MAP2: variants seen among roughly 807,000 people sequenced by gnomAD.
MAP2 encodes microtubule-associated protein 2.
In MAP2, 14 loss-of-function variants were observed where a neutral mutation model predicts 137.6. The ratio of observed to expected loss-of-function variants is 0.10; its 90% CI spans 0.07 to 0.16. MAP2 has a LOEUF of 0.16. MAP2 is among the 10% of genes least tolerant of loss of function. The pLI, the probability that MAP2 is intolerant of heterozygous loss-of-function variation, is 1.00. For synonymous variants in MAP2, 786 were observed against 782.3 expected (o/e 1.00, Z -0.08); for missense variants, 2,088 against 2,191.5 (o/e 0.95, Z 0.94).
At chr2:209,723,873 T>C (rs953684404) in intron 13 of MAP2, among the ~76,000 whole-genome samples, 1 of 152,176 alleles carries the variant, frequency 6.6e-6, no homozygotes, top group African/African-American at 2.4e-5. Flanking sequence ...TCCTTCCCTG[T>C]AAGATCATCA....
chr2:209,563,805 T>A (rs900701427), intron 2 of MAP2, among the ~76,000 whole-genome samples: 1 of 152,232 alleles, frequency 6.6e-6, no homozygotes, highest in Non-Finnish European at 1.5e-5. Flanking sequence ...AGGTGTCTTA[T>A]TCACTTTATA....
At position 209,705,683 on chromosome 2, in the gene MAP2, T is replaced by G; in HGVS notation, c.4688T>G (p.Phe1563Cys). 6.2e-7 allele frequency: 1 copy of G among 1,613,104 alleles called. No homozygotes were observed. The highest frequency in any genetic ancestry group is 8.5e-7 in the Non-Finnish European group (1 of 1,179,266). ...GVSGDRDENSFSLNSSISSSA... is the reference protein window; with the variant it reads ...GVSGDRDENSCSLNSSISSSA... ...TCAGGAGACAGAGATGAGAATTCCT[T>G]CTCTCTCAACAGTTCTATCTCTTCT... The change falls in exon 12 of 16, where the codon TTC becomes TGC. Residue 1563 changes from phenylalanine to cysteine, a missense_variant. Around this residue, in one of 6 missense-constraint regions of MAP2, gnomAD observed 591 missense variants for 642.6 expected, o/e 0.92. Transcript: ENST00000682079.
chr2:209,651,134 A>G (rs2094765541), intron 4 of MAP2, among the ~76,000 whole-genome samples: 1 of 152,170 alleles, frequency 6.6e-6, no homozygotes, highest in Admixed American at 6.5e-5. Flanking sequence ...AGGCTACCCA[A>G]TTAGATCTTT....
intron 1 of MAP2, among the ~76,000 whole-genome samples, chr2:209,447,929 C>T (rs1003164435): frequency 1.3e-5 from 2 of 152,052 alleles, no homozygotes; most frequent in Admixed American, 6.6e-5. Flanking sequence ...GCAGCCCTTC[C>T]CAAAGTATGG....
intron 7 of MAP2, among the ~76,000 whole-genome samples, chr2:209,683,697 G>A (rs967703008): frequency 6.6e-6 from 1 of 152,152 alleles, no homozygotes; most frequent in Admixed American, 6.5e-5. Flanking sequence ...GGGAGCAGGT[G>A]GATTTTTTTG....
intron 2 of MAP2, among the ~76,000 whole-genome samples, chr2:209,508,666 T>C (rs1297096252): frequency 6.6e-6 from 1 of 151,622 alleles, no homozygotes; most frequent in Non-Finnish European, 1.5e-5. Context: ...TGCTTTCCTA[T>C]CTTCGAAATC....
chr2:209,666,929 T>A (rs2046581561), intron 5 of MAP2, among the ~76,000 whole-genome samples: 1 of 152,024 alleles, frequency 6.6e-6, no homozygotes, highest in Non-Finnish European at 1.5e-5. Flanking sequence ...GCTTGAATAA[T>A]GGCAAGTTTC....
At chr2:209,625,501 C>A (rs1248301839) in intron 4 of MAP2, among the ~76,000 whole-genome samples, 2 of 152,196 alleles carry the variant, frequency 1.3e-5, no homozygotes, top group Non-Finnish European at 1.5e-5. Context: ...TTACTTCTTA[C>A]AACAGTTCTA....
At position 209,651,059 on chromosome 2, in the gene MAP2, C is replaced by A. The variant is rs191634239; in HGVS notation, c.-29-2083C>A. Among the ~76,000 whole-genome samples the A allele has an allele frequency of 7.2e-5, 11 of 152,272 alleles. 1 individual carries two copies. Among genetic ancestry groups the A allele is most frequent in the Admixed American group, 4.6e-4 (7 of 15,290 alleles). Reference sequence around the variant, plus strand: ...TGATCCAAAAGTTCACAATTGGAATCTAGATAATTTCCTCAATCCTTCACA... The same window carrying A: ...TGATCCAAAAGTTCACAATTGGAATATAGATAATTTCCTCAATCCTTCACA... On this transcript the variant is annotated intron_variant, in intron 4 of 15. Transcript: ENST00000682079.
chr2:209,549,931 G>A lies in MAP2; in HGVS notation c.-171-30105G>A, dbSNP rs149399489. On this transcript the variant is annotated intron_variant, in intron 2 of 15. Transcript: ENST00000682079. ...ATAAGTTTACTCGTCTTTACAGTTGGTGGTGAACAATTTTTGATTTTATGC... is the reference window on the plus strand; with the variant it reads ...ATAAGTTTACTCGTCTTTACAGTTGATGGTGAACAATTTTTGATTTTATGC... Among the ~76,000 whole-genome samples the A allele has an allele frequency of 4.2e-3, 645 of 152,284 alleles. 2 individuals are homozygous for A. Among genetic ancestry groups the A allele is most frequent in the Non-Finnish European group, 6.7e-3 (454 of 68,020 alleles).
intron 2 of MAP2, among the ~76,000 whole-genome samples, chr2:209,534,183 A>G (rs2065599003): frequency 6.6e-6 from 1 of 152,224 alleles, no homozygotes; most frequent in African/African-American, 2.4e-5. Context: ...ATAACAGCCA[A>G]CATTTCTTGA....
At chr2:209,566,262 A>G (rs896885790) in intron 2 of MAP2, among the ~76,000 whole-genome samples, 1 of 152,156 alleles carries the variant, frequency 6.6e-6, no homozygotes, top group African/African-American at 2.4e-5. Flanking sequence ...GTATCTAGCA[A>G]ATTCTGGAAT....
At chr2:209,454,875 C>T (rs908104641) in intron 1 of MAP2, among the ~76,000 whole-genome samples, 2 of 152,146 alleles carry the variant, frequency 1.3e-5, no homozygotes, top group Non-Finnish European at 2.9e-5. Context: ...GATTGTGTGT[C>T]TTAAACAGCA....
At chr2:209,698,405 T>C (rs1285490607) in intron 10 of MAP2, among the ~76,000 whole-genome samples, 20 of 152,206 alleles carry the variant, frequency 1.3e-4, no homozygotes. Context: ...GACAGATTGC[T>C]AAATCAGAAA....
At chr2:209,663,815 C>T (rs1327287010) in intron 5 of MAP2, among the ~76,000 whole-genome samples, 2 of 152,176 alleles carry the variant, frequency 1.3e-5, no homozygotes, top group Non-Finnish European at 2.9e-5. Context: ...ATCAGTCCTC[C>T]GATTGGTCTA....
chr2:209,709,845 T>C, intron 12 of MAP2, 69 bp from the exon 13 acceptor site: 1 of 1,105,420 alleles, frequency 9.0e-7, no homozygotes, highest in South Asian at 1.4e-5. Context: ...TAACAATCTA[T>C]GGGAAGAGGG....
intron 1 of MAP2, among the ~76,000 whole-genome samples, chr2:209,484,086 T>A (rs1423955681): frequency 6.6e-6 from 1 of 152,148 alleles, no homozygotes; most frequent in Non-Finnish European, 1.5e-5. Flanking sequence ...GTTAAAAAAA[T>A]AGAGGTAAAA....
intron 3 of MAP2, among the ~76,000 whole-genome samples, chr2:209,623,185 C>A (rs1248856161): frequency 6.6e-6 from 1 of 152,082 alleles, no homozygotes; most frequent in African/African-American, 2.4e-5. Flanking sequence ...GCCATATAGT[C>A]TGTCAGAATC....
chr2:209,728,660 C>T (rs760604848), intron 14 of MAP2, among the ~76,000 whole-genome samples: 8 of 152,196 alleles, frequency 5.3e-5, no homozygotes, highest in Non-Finnish European at 8.8e-5. Flanking sequence ...CTTTCGTCTA[C>T]AGAGATACAT....
Sources: gnomAD v4.1 joint callset for allele counts (sites outside exome capture counted in the v4.1 genomes callset) on GRCh38, gnomAD v4.1.1 for gene constraint, gnomAD v4.1.1 regional missense constraint, MANE v1.5 for transcripts, NCBI Gene and HGNC (gene_info 2026-07-23, HGNC 2026-07-21) for gene names.